The following IRF3 variants were observed in gnomAD, a reference collection of about 807,000 sequenced individuals.
IRF3 encodes interferon regulatory factor 3.
In IRF3, 29 loss-of-function variants were observed where a neutral mutation model predicts 43.2. The observed-to-expected ratio is 0.67, with a 90% CI of 0.50 to 0.91. The LOEUF (loss-of-function observed/expected upper bound fraction) is 0.91, where lower values mean the gene tolerates loss of function less well. Among genes scored for constraint, IRF3 ranks in the 40% least tolerant of loss-of-function variants. The pLI, the probability that IRF3 is intolerant of heterozygous loss-of-function variation, is 0.00. For synonymous variants in IRF3, 228 were observed against 233.9 expected, an observed-to-expected ratio of 0.97 and a Z score of 0.23; for missense variants, 505 against 559.1, an observed-to-expected ratio of 0.90 and a Z score of 0.98.
rs5828408 is a variant in IRF3, at chr19:49,659,984, TACACACACACACACACACACACAC to T, written c.1099-175_1099-152del. On this transcript the variant is annotated intron_variant, in intron 7 of 7. Coordinates refer to ENST00000377139, the MANE Select transcript of IRF3 (RefSeq NM_001571.6). ...CTAGGGCTGCTGGGAGTTGTAGTTTTACACACACACACACACACACACACACACACACACACACACACACCCCCT... is the reference window on the plus strand; with the variant it reads ...CTAGGGCTGCTGGGAGTTGTAGTTTTACACACACACACACACACACCCCCT... 5.2e-4 allele frequency: 168 copies of T among 324,000 alleles called. 1 individual carries two copies. The highest frequency in any genetic ancestry group is 4.1e-3 in the South Asian group (106 of 25,636). 20.1% of individuals were successfully genotyped at this position (324,000 alleles called of 1,614,324 possible). A position where few individuals can be genotyped will look rare whatever the true frequency, so the allele number is the denominator to read the frequency against.
At chr19:49,659,927 GC>G (rs1049583037) in intron 7 of IRF3, 94 bp from the exon 8 acceptor site, 6 of 1,366,456 alleles carry the variant, frequency 4.4e-6, no homozygotes, top group Non-Finnish European at 4.9e-6. Flanking sequence ...ACTCCCTGCA[GC>G]CCCTGCTGTA....
chr19:49,665,648 G>A lies in IRF3; in HGVS notation c.-26C>T. On this transcript the variant is annotated 5_prime_UTR_variant, in exon 1 of 8. Transcript: ENST00000377139. ...CGCGTTACCTACGATGGAAGGTCGG[G>A]GCGTGCGGGCAGCTGGAACCCACCC... The A allele has an allele frequency of 5.2e-6, 4 of 774,422 alleles. No homozygotes were observed. Among genetic ancestry groups the A allele is most frequent in the Middle Eastern group, 4.0e-4 (1 of 2,506 alleles). The allele number at this position is 774,422 out of a possible 1,614,324, so 48.0% of individuals were successfully genotyped here. A position where few individuals can be genotyped will look rare whatever the true frequency, so the allele number is the denominator to read the frequency against.
intron 7 of IRF3, among the ~76,000 whole-genome samples, chr19:49,660,085 C>CACACACAA (rs1331747827): frequency 6.6e-6 from 1 of 150,818 alleles, no homozygotes; most frequent in Non-Finnish European, 1.5e-5. Context: ...GTTTTACACA[C>CACACACAA]ACACACAAAC....
At position 49,661,932 on chromosome 19, in the gene IRF3, C is replaced by A. The variant is rs1424074210; in HGVS notation, c.982+16G>T. ...CTGCTTTGTACTGGCCAGGTCGAAG[C>A]CCCTGTCTCACTCACCTACAATGAA... On this transcript the variant is annotated intron_variant, in intron 6 of 7. Transcript: ENST00000377139. 6.3e-7 allele frequency: 1 copy of A among 1,594,430 alleles called. No homozygotes were observed. Among genetic ancestry groups the A allele is most frequent in the African/African-American group, 1.3e-5 (1 of 74,786 alleles).
rs1555753186 is a variant in IRF3, at chr19:49,660,027, ACC to A, written c.1099-196_1099-195del. On this transcript the variant is annotated intron_variant, in intron 7 of 7. Transcript: ENST00000377139. Reference sequence around the variant, plus strand: ...CACACACACACACACACACACACACACCCCCTGCTGTAACTGAACCATAGGCC... The same window carrying A: ...CACACACACACACACACACACACACACCCTGCTGTAACTGAACCATAGGCC... Among the ~76,000 whole-genome samples the A allele has an allele frequency of 1.0e-3, 78 of 74,748 alleles. 7 individuals carry two copies. Among genetic ancestry groups the A allele is most frequent in the African/African-American group, 3.2e-3 (32 of 10,158 alleles). 49.0% of individuals were successfully genotyped at this position (74,748 alleles called of 152,430 possible). A position where few individuals can be genotyped will look rare whatever the true frequency, so the allele number is the denominator to read the frequency against.
Position 49,662,480 on chromosome 19 carries a change from G to C in IRF3, c.546C>G (p.Phe182Leu). 6.3e-7 allele frequency: 1 copy of C among 1,587,560 alleles called. No individual in the cohort carries two copies. The highest frequency in any genetic ancestry group is 8.6e-7 in the Non-Finnish European group (1 of 1,167,802). ...GGTTCTCAGAGGGCCCCAGGTTTGG[G>C]AAGGGAGTGGGATTGTCCAAGCTGG... ...RSPSLDNPTP[F>L]PNLGPSENPL... Residue 182 changes from phenylalanine to leucine, a missense_variant, in exon 5 of 8, where the codon TTC (phenylalanine) becomes TTG (leucine). Physicochemically the swap from Phe to Leu is conservative, Grantham distance 22. Transcript: ENST00000377139.
chr19:49,661,613 C>A, intron 6 of IRF3: 1 of 193,294 alleles, frequency 5.2e-6, no homozygotes, highest in East Asian at 1.3e-4. Flanking sequence ...TGGAGTCTTA[C>A]TCTGTCACCA....
intron 1 of IRF3, 179 bp downstream of exon 1, chr19:49,665,452 T>G: frequency 5.0e-6 from 1 of 199,364 alleles, no homozygotes; most frequent in Non-Finnish European, 1.0e-5. Context: ...TCCTCTTTCC[T>G]CCCTACTTTT....
rs2081292721 is a variant in IRF3 at position 49,660,814 on chromosome 19, T to A, written c.997A>T (p.Thr333Ser). The change falls in exon 7 of 8, where the codon ACG becomes TCG. Residue 333 changes from threonine to serine, a missense_variant. Thr to Ser is a moderately conservative substitution (Grantham distance 58). Coordinates refer to ENST00000377139, the MANE Select transcript of IRF3 (RefSeq NM_001571.6). ...GPFIVDLITF[T>S]EGSGRSPRYA... is the part of the protein sequence containing the mutation. ...CGTGGTGAGCGTCCGCTTCCTTCCG[T>A]GAAGGTAATCAGATCTGGGGGCCCA... The A allele has an allele frequency of 6.2e-7, 1 of 1,602,366 alleles. No homozygotes were observed. The highest frequency in any genetic ancestry group is 8.5e-7 in the Non-Finnish European group (1 of 1,174,846).
At chr19:49,660,230 C>G (rs961452827) in intron 7 of IRF3, among the ~76,000 whole-genome samples, 6 of 152,098 alleles carry the variant, frequency 3.9e-5, no homozygotes, top group African/African-American at 1.4e-4. Context: ...TCCCCAACCC[C>G]CCTACGGCTT....
At chr19:49,661,457 C>T (rs1258344999) in intron 6 of IRF3, 1 of 155,622 alleles carries the variant, frequency 6.4e-6, no homozygotes, top group Admixed American at 6.4e-5. Context: ...CACCCCAGCG[C>T]TGGCAGGCAG....
chr19:49,662,533 C>G lies in IRF3; in HGVS notation c.493G>C (p.Glu165Gln). The change falls in exon 5 of 8, where the codon GAG becomes CAG. Residue 165 changes from glutamate to glutamine, a missense_variant. Transcript: ENST00000377139. ...CTCCGCAGGGGCTGAGGGCAGGGCT[C>G]AGGGGCTACAGCCAGGCTTGGGGGT... Reference protein sequence around the residue: ...PGPPSLAVAPEPCPQPLRSPS... With the variant: ...PGPPSLAVAPQPCPQPLRSPS... The G allele has an allele frequency of 6.5e-7, 1 of 1,537,062 alleles. No homozygotes were observed. Among genetic ancestry groups the G allele is most frequent in the Non-Finnish European group, 8.7e-7 (1 of 1,146,226 alleles).
In IRF3 at chr19:49,664,415, C is replaced by T. The variant is rs755364616; in HGVS notation, c.165+259G>A. On this transcript the variant is annotated intron_variant, in intron 2 of 7. Coordinates refer to ENST00000377139, the MANE Select transcript of IRF3 (RefSeq NM_001571.6). ...CCGGCCTCTAGAAAGCCCCAAACCC[C>T]CAGGATGCATTTCCTTTGCGTACTA... 9 of 1,450,348 alleles carry T rather than the reference C, an allele frequency of 6.2e-6. No homozygotes were observed. The South Asian group carries it at 9.7e-5, about 16-fold the overall frequency. The allele number at this position is 1,450,348 out of a possible 1,614,324, so 89.8% of individuals were successfully genotyped here. A position where few individuals can be genotyped will look rare whatever the true frequency, so the allele number is the denominator to read the frequency against.
At chr19:49,665,588 C>T in intron 1 of IRF3, 43 bp downstream of exon 1, 3 of 536,382 alleles carry the variant, frequency 5.6e-6, no homozygotes, top group Non-Finnish European at 1.0e-5. Flanking sequence ...CCGCTCCTCG[C>T]TCTCGGACGC....
At position 49,662,101 on chromosome 19, in the gene IRF3, C is replaced by T. The variant is rs143769046; in HGVS notation, c.829G>A (p.Ala277Thr). ...CLGGGLALWR[A>T]GQWLWAQRLG... ...CGCTGGGCCCAGAGCCACTGCCCGGCCCGCCAGAGAGCCAGTCCCCCACCC... is the reference window on the plus strand; with the variant it reads ...CGCTGGGCCCAGAGCCACTGCCCGGTCCGCCAGAGAGCCAGTCCCCCACCC... Residue 277 changes from alanine to threonine, a missense_variant, in exon 6 of 8, where the codon GCC becomes ACC. Coordinates refer to ENST00000377139, the MANE Select transcript of IRF3 (RefSeq NM_001571.6). 9,759 of 1,613,680 alleles carry T rather than the reference C, an allele frequency of 6.0e-3. 39 individuals carry two copies. Among genetic ancestry groups the T allele is most frequent in the Non-Finnish European group, 7.4e-3 (8,686 of 1,179,718 alleles).
rs1364209098 is a variant in IRF3 at position 49,664,971 on chromosome 19, G to T, written c.-8-125C>A. 10 of 1,022,624 alleles carry T rather than the reference G, an allele frequency of 9.8e-6. No homozygotes were observed. The Admixed American group carries it at 2.3e-4, about 24-fold the overall frequency. 63.3% of individuals were successfully genotyped at this position (1,022,624 alleles called of 1,614,324 possible). ...AGGTCCTTCACCCATATTTTCGGGG[G>T]TACAAACAGGAAACCTCCTCTTCCC... On this transcript the variant is annotated intron_variant, in intron 1 of 7. Transcript: ENST00000377139.
chr19:49,664,886 C>T (rs1306904443), intron 1 of IRF3, 40 bp from the exon 2 acceptor site: 1 of 1,577,154 alleles, frequency 6.3e-7, no homozygotes, highest in Admixed American at 1.7e-5. Context: ...ACCGGCCTCC[C>T]CCGGACCCAC....
At chr19:49,662,722 C>G in intron 4 of IRF3, 105 bp from the exon 5 acceptor site, 1 of 963,028 alleles carries the variant, frequency 1.0e-6, no homozygotes. Context: ...CAGGCTTGAG[C>G]TCTGCCTTCA....
chr19:49,660,352 A>G (rs1483381496), intron 7 of IRF3, among the ~76,000 whole-genome samples: 1 of 152,116 alleles, frequency 6.6e-6, no homozygotes, highest in Non-Finnish European at 1.5e-5. Context: ...GAGGAGCACA[A>G]ACTCTATCGA....
Sources: gnomAD v4.1 joint callset for allele counts (sites outside exome capture counted in the v4.1 genomes callset) on GRCh38, gnomAD v4.1.1 for gene constraint, MANE v1.5 for transcripts, NCBI Gene and HGNC (gene_info 2026-07-23, HGNC 2026-07-21) for gene names.